TAF12: variants seen among roughly 807,000 people sequenced by gnomAD.
TAF12 encodes the protein transcription initiation factor TFIID subunit 12.
TAF12 carries 3 observed loss-of-function variants against 20.8 expected under a neutral mutation model. The observed-to-expected ratio is 0.14, with a 90% CI of 0.07 to 0.37. The LOEUF is 0.37. Among genes scored for constraint, TAF12 ranks in the 10% least tolerant of loss-of-function variants. The probability of loss-of-function intolerance (pLI) is 1.00; values close to 1 mark genes in which losing one functional copy is unlikely to be tolerated. For synonymous variants in TAF12, 69 were observed against 70.2 expected, an observed-to-expected ratio of 0.98 and a Z score of 0.09; for missense variants, 131 against 197.9, an observed-to-expected ratio of 0.66 and a Z score of 2.03.
At chr1:28,612,541 AATAT>A (rs951414523) in intron 4 of TAF12, among the ~76,000 whole-genome samples, 5 of 146,156 alleles carry the variant, frequency 3.4e-5, no homozygotes, top group African/African-American at 9.9e-5. Flanking sequence ...ATTATATATA[AATAT>A]ATATACACAC....
chr1:28,618,102 A>G, intron 2 of TAF12, 72 bp from the exon 3 acceptor site: 2 of 1,391,666 alleles, frequency 1.4e-6, no homozygotes, highest in Middle Eastern at 3.7e-4. Context: ...CCTGTAATGA[A>G]GAAAGGCTGT....
chr1:28,620,297 T>C (rs1667172793), intron 2 of TAF12, among the ~76,000 whole-genome samples: 1 of 148,930 alleles, frequency 6.7e-6, no homozygotes, highest in African/African-American at 2.5e-5. Flanking sequence ...CCATGCCAGG[T>C]TGATTTTTGT....
At chr1:28,643,895 CA>C (rs1285413860), upstream of TAF12, among the ~76,000 whole-genome samples, 1 of 151,872 alleles carries the variant, frequency 6.6e-6, no homozygotes, top group African/African-American at 2.4e-5. Context: ...ACTAAAAATA[CA>C]AAAAATTAGC....
At chr1:28,642,803 G>A (rs1419926724) in intron 1 of TAF12, 189 bp downstream of exon 1, 2 of 985,454 alleles carry the variant, frequency 2.0e-6, no homozygotes. Flanking sequence ...TCCCGTCTTA[G>A]AGCCCGGGTC....
At chr1:28,617,702 C>T (rs1157917431) in intron 3 of TAF12, among the ~76,000 whole-genome samples, 1 of 152,054 alleles carries the variant, frequency 6.6e-6, no homozygotes, top group African/African-American at 2.4e-5. Context: ...CCGCCCACCT[C>T]GACCTCCCAA....
intron 1 of TAF12, among the ~76,000 whole-genome samples, chr1:28,631,349 C>A (rs567484047): frequency 6.6e-6 from 1 of 151,798 alleles, no homozygotes. Context: ...TATAGTGAAG[C>A]CCCGTCTCTA....
At chr1:28,613,493 G>A (rs1666931790) in intron 3 of TAF12, 132 bp from the exon 4 acceptor site, 1 of 713,822 alleles carries the variant, frequency 1.4e-6, no homozygotes, top group Middle Eastern at 3.9e-4. Context: ...CAGCATTTGG[G>A]CTAAGGTGGG....
At chr1:28,627,665 C>CAAAAA (rs61016146) in intron 1 of TAF12, among the ~76,000 whole-genome samples, 3 of 103,452 alleles carry the variant, frequency 2.9e-5, no homozygotes, top group African/African-American at 4.3e-5. Flanking sequence ...TGCACTCCCT[C>CAAAAA]AAAAAAAAAA....
At chr1:28,646,414 T>G (rs1668185995), upstream of TAF12, 1 of 152,238 alleles carries the variant, frequency 6.6e-6, no homozygotes, top group African/African-American at 2.4e-5. Context: ...TTTATCTCCT[T>G]TCTCTTGTGA....
intron 4 of TAF12, among the ~76,000 whole-genome samples, chr1:28,608,619 G>A (rs1018465509): frequency 2.0e-4 from 31 of 151,986 alleles, no homozygotes; most frequent in African/African-American, 5.1e-4. Flanking sequence ...GCCAGGCGTG[G>A]TGGCGTGTGC....
intron 1 of TAF12, among the ~76,000 whole-genome samples, chr1:28,639,535 C>T (rs1199375445): frequency 6.6e-6 from 1 of 150,996 alleles, no homozygotes; most frequent in East Asian, 1.9e-4. Context: ...TATAATAAGT[C>T]AACGCTAGAG....
chr1:28,603,908 C>CTT (rs199949896), intron 5 of TAF12, among the ~76,000 whole-genome samples: 95 of 143,700 alleles, frequency 6.6e-4, no homozygotes, highest in South Asian at 2.9e-3. Context: ...TTCTTTCTTT[C>CTT]TTTTTTTTTT....
intron 1 of TAF12, among the ~76,000 whole-genome samples, chr1:28,636,270 G>T (rs1260359243): frequency 1.3e-5 from 2 of 152,192 alleles, no homozygotes; most frequent in Admixed American, 1.3e-4. Context: ...GGACAACATG[G>T]GAGGACTGTT....
intron 1 of TAF12, among the ~76,000 whole-genome samples, chr1:28,628,399 C>T (rs1418853441): frequency 6.6e-6 from 1 of 151,760 alleles, no homozygotes; most frequent in African/African-American, 2.4e-5. Context: ...ACAAAAAAAA[C>T]ACATATTGTA....
intron 1 of TAF12, among the ~76,000 whole-genome samples, chr1:28,633,912 CA>C (rs34756071): frequency 0.12 from 5,578 of 47,374 alleles, 117 homozygotes; most frequent in East Asian, 0.22. Flanking sequence ...AACTCCATCT[CA>C]AAAAAAAAAA....
chr1:28,646,025 A>T (rs1408110535), upstream of TAF12: 1 of 151,880 alleles, frequency 6.6e-6, no homozygotes, highest in Admixed American at 6.6e-5. Flanking sequence ...TGTAATCCCA[A>T]CACTTTGGGA....
intron 5 of TAF12, 123 bp downstream of exon 5, chr1:28,605,249 A>C: frequency 3.2e-6 from 3 of 949,202 alleles, no homozygotes; most frequent in South Asian, 1.4e-5. Flanking sequence ...CCCTTGCTCC[A>C]GAGAGTGAAG....
At chr1:28,609,381 A>C (rs1666780189) in intron 4 of TAF12, among the ~76,000 whole-genome samples, 1 of 149,512 alleles carries the variant, frequency 6.7e-6, no homozygotes, top group South Asian at 2.1e-4. Flanking sequence ...CGGCCTATAT[A>C]ATCTTAATAT....
At chr1:28,640,629 G>C (rs190099144) in intron 1 of TAF12, among the ~76,000 whole-genome samples, 1 of 152,134 alleles carries the variant, frequency 6.6e-6, no homozygotes, top group Non-Finnish European at 1.5e-5. Context: ...TTCAGAAAAA[G>C]ATATTAATAT....
Sources: allele counts gnomAD v4.1 joint callset (sites outside exome capture counted in the v4.1 genomes callset), GRCh38; gene constraint gnomAD v4.1.1; transcripts MANE v1.5; gene names NCBI Gene and HGNC (gene_info 2026-07-23, HGNC 2026-07-21).